KLC3: variants seen among roughly 807,000 people sequenced by gnomAD.
The protein encoded by KLC3 is kinesin light chain 3, also known as kinesin light chain 2.
A neutral mutation model predicts 62.9 loss-of-function variants in KLC3; 72 were observed. The observed-to-expected ratio is 1.15, with a 90% CI of 0.95 to 1.39. KLC3 has a LOEUF of 1.39. Among genes scored for constraint, KLC3 ranks in the 40% most tolerant of loss-of-function variants. The probability of loss-of-function intolerance (pLI) is 0.00; values close to 1 mark genes in which losing one functional copy is unlikely to be tolerated. For synonymous variants in KLC3, 377 were observed against 300.5 expected (o/e 1.25, Z -2.63); for missense variants, 848 against 691.6 (o/e 1.23, Z -2.54).
intron 5 of KLC3, 83 bp downstream of exon 5, chr19:45,348,243 C>T: frequency 2.4e-6 from 3 of 1,271,866 alleles, no homozygotes. Context: ...GGTGCCCCCT[C>T]TGTCACCATG....
chr19:45,348,239 C>G, intron 5 of KLC3, 79 bp downstream of exon 5: 2 of 1,293,390 alleles, frequency 1.5e-6, no homozygotes, highest in Non-Finnish European at 2.1e-6. Context: ...TCCTGGTGCC[C>G]CCTCTGTCAC....
chr19:45,350,230 T>A, intron 8 of KLC3, 111 bp from the exon 9 acceptor site: 1 of 771,028 alleles, frequency 1.3e-6, no homozygotes, highest in Non-Finnish European at 2.1e-6. Context: ...AAGACCAGCC[T>A]GGGCAACATA....
At position 45,346,654 on chromosome 19, in the gene KLC3, G is replaced by C. The variant is rs751072454; in HGVS notation, c.369G>C (p.Leu123=). Residue 123 remains leucine, a synonymous_variant, in exon 3 of 13, where the codon CTG becomes CTC. Coordinates refer to ENST00000391946, the MANE Select transcript of KLC3 (RefSeq NM_177417.3). ...AGAACGTGTGGCTGCGGGAGGAACT[G>C]GAGGAGACGCAGCGGCGGCTTCGGG... is the stretch of plus-strand genomic sequence containing the variant. ...AQENVWLREE[L]EETQRRLRAS... 1 of 1,558,266 alleles carries C rather than the reference G, an allele frequency of 6.4e-7. No individual in the cohort carries two copies. The highest frequency in any genetic ancestry group is 8.7e-7 in the Non-Finnish European group (1 of 1,151,872).
chr19:45,342,242 TATG>T (rs1317440445), intron 1 of KLC3, among the ~76,000 whole-genome samples: 3 of 152,046 alleles, frequency 2.0e-5, no homozygotes, highest in South Asian at 2.1e-4. Context: ...TTCAACCATT[TATG>T]ATGTTTGTGT....
Position 45,350,687 on chromosome 19 carries a change from G to C in KLC3, c.1319G>C (p.Arg440Thr), listed in dbSNP as rs896034965. ...CTCTCCAAGATCCGTGAGTCTATCA[G>C]GCGAGGAAGTGAGAAGCTGGTCTCC... ...SSLSKIRESI[R>T]RGSEKLVSRL... The change falls in exon 11 of 13, where the codon AGG (arginine) becomes ACG (threonine). Residue 440 changes from arginine to threonine, a missense_variant. By Grantham distance (71) the Arg-to-Thr change is moderately conservative. Coordinates refer to ENST00000391946, the MANE Select transcript of KLC3 (RefSeq NM_177417.3). The C allele has an allele frequency of 6.2e-7, 1 of 1,613,800 alleles. No homozygotes were observed. Among genetic ancestry groups the C allele is most frequent in the Admixed American group, 1.7e-5 (1 of 59,964 alleles).
At chr19:45,350,898 G>A (rs1047076887) in intron 11 of KLC3, 56 bp from the exon 12 acceptor site, 17 of 1,580,970 alleles carry the variant, frequency 1.1e-5, no homozygotes, top group Admixed American at 8.4e-5. Context: ...AAGGTCCCTC[G>A]TGGAGGGGGG....
Position 45,350,566 on chromosome 19 carries a change from TGCTTCGGCTCCTGGGGTGG to T in KLC3, c.1272+18_1272+36del. On this transcript the variant is annotated intron_variant, in intron 10 of 12. Transcript: ENST00000391946. ...ACGCAGAACAGGTGAGGATGGGCTG[TGCTTCGGCTCCTGGGGTGG>T]GCGTGGGGACTGCATGGGCCTGGGG... 2 of 1,613,918 alleles carry T rather than the reference TGCTTCGGCTCCTGGGGTGG, an allele frequency of 1.2e-6. No homozygotes were observed. The highest frequency in any genetic ancestry group is 1.7e-6 in the Non-Finnish European group (2 of 1,179,950).
intron 1 of KLC3, among the ~76,000 whole-genome samples, chr19:45,341,778 T>TGC (rs1971401890): frequency 2.5e-4 from 3 of 11,894 alleles, no homozygotes; most frequent in Admixed American, 2.3e-3. Context: ...CGTGTGTGCG[T>TGC]GTGTGTGTGT....
chr19:45,350,755 T>C lies in KLC3; in HGVS notation c.1379+8T>C, dbSNP rs199968742. The C allele has an allele frequency of 8.1e-6, 13 of 1,606,242 alleles. No homozygotes were observed. The highest frequency in any genetic ancestry group is 1.0e-5 in the Non-Finnish European group (12 of 1,176,634). ...GGCGGCAGGAGCAGCCGGGTGAGTG[T>C]TGATCAGGTCGGCAAAGAGCCCTGA... On this transcript the variant is annotated splice_region_variant and intron_variant, in intron 11 of 12. Transcript: ENST00000391946.
chr19:45,345,370 T>G, intron 1 of KLC3, 164 bp from the exon 2 acceptor site: 1 of 827,764 alleles, frequency 1.2e-6, no homozygotes, highest in African/African-American at 1.7e-5. Context: ...GAGACTGGGA[T>G]GGAGAGGGTG....
chr19:45,344,600 G>A (rs946195574), intron 1 of KLC3, among the ~76,000 whole-genome samples: 3 of 152,086 alleles, frequency 2.0e-5, no homozygotes, highest in Non-Finnish European at 4.4e-5. Context: ...GTTGCATTGT[G>A]TCTTTAAGAA....
intron 2 of KLC3, 67 bp downstream of exon 2, chr19:45,345,866 G>C (rs1168121235): frequency 9.6e-6 from 14 of 1,462,052 alleles, no homozygotes; most frequent in Admixed American, 4.6e-5. Context: ...CCAGGCATGA[G>C]GGGGACAGGT....
rs866260593 is a variant in KLC3, at chr19:45,350,975, C to T, written c.1401C>T (p.Leu467=). 1.2e-6 allele frequency: 2 copies of T among 1,614,092 alleles called. No homozygotes were observed. Among genetic ancestry groups the T allele is most frequent in the South Asian group, 1.1e-5 (1 of 91,076 alleles). Residue 467 remains leucine (L), a synonymous_variant, in exon 12 of 13, where the codon CTC becomes CTT. Coordinates refer to ENST00000391946, the MANE Select transcript of KLC3 (RefSeq NM_177417.3). ...GCAGAATGAAGAGAGCCATGTCACT[C>T]AACACACTGAACGTGGATGCTCCAA... is the stretch of plus-strand genomic sequence containing the variant. The part of the protein sequence containing the change: ...GAAGMKRAMS[L]NTLNVDAPRA...
intron 3 of KLC3, chr19:45,347,243 G>A (rs1599708765): frequency 1.9e-6 from 1 of 536,800 alleles, no homozygotes; most frequent in East Asian, 3.2e-5. Flanking sequence ...TCCGGAAGCT[G>A]AGGCAGGAGA....
chr19:45,341,793 G>A (rs568725276), intron 1 of KLC3, among the ~76,000 whole-genome samples: 1 of 140,766 alleles, frequency 7.1e-6, no homozygotes. Context: ...GTGTGTGTGT[G>A]TGTGTGTGTA....
intron 3 of KLC3, 70 bp downstream of exon 3, chr19:45,346,844 T>G: frequency 8.0e-6 from 11 of 1,381,354 alleles, no homozygotes; most frequent in Non-Finnish European, 9.9e-6. Context: ...CAGACCCTCC[T>G]TAGAATCCCA....
At chr19:45,341,578 TGCGC>T (rs200152688) in intron 1 of KLC3, among the ~76,000 whole-genome samples, 1 of 139,798 alleles carries the variant, frequency 7.2e-6, no homozygotes, top group Non-Finnish European at 1.6e-5. Flanking sequence ...TGTGTGTGTG[TGCGC>T]GCGCGCGTGT....
chr19:45,348,995 C>A, intron 7 of KLC3, 74 bp downstream of exon 7: 2 of 1,308,000 alleles, frequency 1.5e-6, no homozygotes, highest in Non-Finnish European at 1.1e-6. Flanking sequence ...TGAGCACGTA[C>A]ATCGTGACCC....
At chr19:45,347,062 G>T (rs1971516937) in intron 3 of KLC3, 2 of 458,868 alleles carry the variant, frequency 4.4e-6, no homozygotes, top group Non-Finnish European at 7.8e-6. Flanking sequence ...CTTGAGATAG[G>T]CTGGGTGCGG....
Sources: gnomAD v4.1 joint callset for allele counts (sites outside exome capture counted in the v4.1 genomes callset) on GRCh38, gnomAD v4.1.1 for gene constraint, MANE v1.5 for transcripts, NCBI Gene and HGNC (gene_info 2026-07-23, HGNC 2026-07-21) for gene names.